The following LARGE2 variants were observed in gnomAD, a reference collection of about 807,000 sequenced individuals.
LARGE2 encodes LARGE xylosyl- and glucuronyltransferase 2, also known as xylosyl- and glucuronyltransferase LARGE2.
A neutral mutation model predicts 75.3 loss-of-function variants in LARGE2; 63 were observed. The observed-to-expected ratio is 0.84, with a 90% CI of 0.68 to 1.03. The LOEUF is 1.03. LARGE2 is among the 50% of genes least tolerant of loss of function. The pLI, the probability that LARGE2 is intolerant of heterozygous loss-of-function variation, is 0.00. For missense variants in LARGE2, 925 were observed against 980.6 expected, an observed-to-expected ratio of 0.94 and a Z score of 0.76; for synonymous variants, 428 against 420.1, an observed-to-expected ratio of 1.02 and a Z score of -0.23.
chr11:45,928,424 C>A (rs1240111667), intron 13 of LARGE2, 52 bp downstream of exon 13: 2 of 1,587,918 alleles, frequency 1.3e-6, no homozygotes, highest in East Asian at 4.5e-5. Context: ...CCTCCAGGTC[C>A]AGGGAACTCA....
chr11:45,926,853 C>A lies in LARGE2; in HGVS notation c.1307C>A (p.Ala436Asp), dbSNP rs1198894762. Reference sequence around the variant, plus strand: ...CGGCCTCACGATGTCACCCTTGTGGCCCAGCTGTCCATGGACCGGTGAGGG... The same window carrying A: ...CGGCCTCACGATGTCACCCTTGTGGACCAGCTGTCCATGGACCGGTGAGGG... ...PPRPHDVTLV[A>D]QLSMDRLQML... Residue 436 changes from alanine (A) to aspartate (D), a missense_variant, in exon 10 of 14, where the codon GCC (alanine) becomes GAC (aspartate). Around this residue, in one of 3 missense-constraint regions of LARGE2, gnomAD observed 469 missense variants for 503.8 expected, o/e 0.93. Transcript: ENST00000401752. 6.2e-7 allele frequency: 1 copy of A among 1,611,606 alleles called. No individual in the cohort carries two copies. The highest frequency in any genetic ancestry group is 8.5e-7 in the Non-Finnish European group (1 of 1,179,464).
At chr11:45,924,406 T>C (rs184765819) in intron 4 of LARGE2, 100 bp from the exon 5 acceptor site, 14 of 1,562,636 alleles carry the variant, frequency 9.0e-6, no homozygotes, top group African/African-American at 1.4e-5. Flanking sequence ...CCCCTCTCTT[T>C]TGGGGGTTTA....
intron 6 of LARGE2, among the ~76,000 whole-genome samples, chr11:45,925,204 G>A (rs1191346086): frequency 2.6e-5 from 4 of 152,298 alleles, no homozygotes; most frequent in South Asian, 2.1e-4. Flanking sequence ...CTTCACCCCC[G>A]AGGATTGACT....
intron 6 of LARGE2, 65 bp downstream of exon 6, chr11:45,924,954 G>A: frequency 1.0e-6 from 1 of 1,004,590 alleles, no homozygotes; most frequent in Non-Finnish European, 1.4e-6. Flanking sequence ...CTGGGGCTGG[G>A]TGGGGCAAAG....
Position 45,928,667 on chromosome 11 carries a change from T to C in LARGE2, c.1988T>C (p.Ile663Thr). ...CTGGTGCTGCCCGAGGCCTTCACCA[T>C]CCATCTGCCCCACGCTCCAAGCCTG... ...ELLVLPEAFT[I>T]HLPHAPSLDI... The change falls in exon 14 of 14, where the codon ATC (isoleucine) becomes ACC (threonine). Residue 663 changes from isoleucine (I) to threonine (T), a missense_variant. By Grantham distance (89) the Ile-to-Thr change is moderately conservative. This residue lies in a region of LARGE2 where 469 missense variants were observed against 503.8 expected (regional missense o/e 0.93). Coordinates refer to ENST00000401752, the MANE Select transcript of LARGE2 (RefSeq NM_001300721.2). The C allele has an allele frequency of 1.2e-6, 2 of 1,614,068 alleles. No individual in the cohort carries two copies. The highest frequency in any genetic ancestry group is 1.7e-6 in the Non-Finnish European group (2 of 1,180,000).
chr11:45,927,429 G>A lies in LARGE2; in HGVS notation c.1440G>A (p.Val480=), dbSNP rs2134751229. Residue 480 remains valine, a synonymous_variant, in exon 11 of 14, where the codon GTG becomes GTA. Transcript: ENST00000401752. ...QFLHFVEASP[V]LAARQDVAYH... ...TGCATTTCGTCGAGGCCTCACCAGT[G>A]CTTGCTGCCCGGCAGGACGTGGCCT... The A allele has an allele frequency of 6.2e-7, 1 of 1,614,200 alleles. No homozygotes were observed. Among genetic ancestry groups the A allele is most frequent in the East Asian group, 2.2e-5 (1 of 44,882 alleles).
In LARGE2 at chr11:45,926,032, T is replaced by C. The variant is rs373970227; in HGVS notation, c.770-7T>C. 170 of 1,550,872 alleles carry C rather than the reference T, an allele frequency of 1.1e-4. No individual in the cohort carries two copies. Among genetic ancestry groups the C allele is most frequent in the Non-Finnish European group, 1.4e-4 (160 of 1,145,962 alleles). On this transcript the variant is annotated splice_polypyrimidine_tract_variant and splice_region_variant and intron_variant, in intron 6 of 13. Transcript: ENST00000401752. ...AGGTGGGCATGACAGCATCTCTTCA[T>C]TGGCAGGTGTGATCCTGCTGCGGCT... is the stretch of plus-strand genomic sequence containing the variant.
At chr11:45,928,142 C>T in intron 12 of LARGE2, 35 bp from the exon 13 acceptor site, 2 of 1,613,076 alleles carry the variant, frequency 1.2e-6, no homozygotes, top group Non-Finnish European at 1.7e-6. Flanking sequence ...GAGCTCCTAG[C>T]CTCAGCCTGG....
chr11:45,923,365 C>G lies in LARGE2; in HGVS notation c.286-108C>G, dbSNP rs896684044. On this transcript the variant is annotated intron_variant, in intron 2 of 13. Transcript: ENST00000401752. ...AATGAAGGGTTGGCTCCTGCTGCCC[C>G]CTCCGCACACTGTTCCGGGCTCTGC... is the stretch of plus-strand genomic sequence containing the variant. 1.4e-5 allele frequency: 17 copies of G among 1,207,080 alleles called. No individual in the cohort carries two copies. In the East Asian group the frequency reaches 1.9e-4, roughly 13 times the overall value. The allele number at this position is 1,207,080 out of a possible 1,614,324, so 74.8% of individuals were successfully genotyped here. A position where few individuals can be genotyped will look rare whatever the true frequency, so the allele number is the denominator to read the frequency against.
At chr11:45,922,763 C>A (rs2086965472) in intron 1 of LARGE2, 35 bp downstream of exon 1, 1 of 828,368 alleles carries the variant, frequency 1.2e-6, no homozygotes, top group Admixed American at 4.4e-5. Context: ...CCGCACAACC[C>A]GGCCGTCGGG....
At position 45,926,119 on chromosome 11, in the gene LARGE2, C is replaced by G. The variant is rs763758022; in HGVS notation, c.850C>G (p.Leu284Val). Residue 284 changes from leucine to valine, a missense_variant, in exon 7 of 14, where the codon CTT becomes GTT. Around this residue, in one of 3 missense-constraint regions of LARGE2, gnomAD observed 453 missense variants for 460.2 expected, o/e 0.98. Transcript: ENST00000401752. ...MWRLTARREL[L>V]SLPATSLADQ... ...GAGGCTGACAGCCAGGCGGGAGCTC[C>G]TTAGCCTGCCTGCCACCTCACTGGC... is the stretch of plus-strand genomic sequence containing the variant. 1.3e-6 allele frequency: 2 copies of G among 1,573,066 alleles called. No homozygotes were observed. The highest frequency in any genetic ancestry group is 2.3e-5 in the South Asian group (2 of 86,602).
chr11:45,927,051 G>T (rs1257076309), intron 10 of LARGE2, among the ~76,000 whole-genome samples, 180 bp downstream of exon 10: 2 of 152,348 alleles, frequency 1.3e-5, no homozygotes, highest in East Asian at 3.9e-4. Context: ...TCATTCAGAT[G>T]CCCGGAGCTG....
In LARGE2 at chr11:45,926,193, G is replaced by A. The variant is rs374852511; in HGVS notation, c.883-29G>A. ...CCGGGTGGGGTGTGGCAGGCTGGGG[G>A]CTGGGATGTGATGGGTGTCTCTGCT... On this transcript the variant is annotated intron_variant, in intron 7 of 13. Coordinates refer to ENST00000401752, the MANE Select transcript of LARGE2 (RefSeq NM_001300721.2). 4.3e-6 allele frequency: 7 copies of A among 1,612,144 alleles called. No homozygotes were observed. The African/African-American group carries it at 9.3e-5, about 22-fold the overall frequency.
At position 45,928,198 on chromosome 11, in the gene LARGE2, C is replaced by T. The variant is rs1269259066; in HGVS notation, c.1776C>T (p.Gly592=). 1 of 1,613,734 alleles carries T rather than the reference C, an allele frequency of 6.2e-7. No homozygotes were observed. The highest frequency in any genetic ancestry group is 8.5e-7 in the Non-Finnish European group (1 of 1,180,028). The part of the protein sequence containing the change: ...YTFRYHEWPR[G]HAPTDYARWR... ...ACAGGTACCACGAGTGGCCCCGAGG[C>T]CACGCACCCACAGACTATGCCCGCT... The change falls in exon 13 of 14, where the codon GGC becomes GGT. Residue 592 remains glycine (G), a synonymous_variant. Transcript: ENST00000401752.
intron 2 of LARGE2, 66 bp from the exon 3 acceptor site, chr11:45,923,407 T>C (rs1015666832): frequency 2.0e-6 from 3 of 1,509,038 alleles, no homozygotes; most frequent in Non-Finnish European, 2.7e-6. Flanking sequence ...GTGGGGCAGC[T>C]CAACATGGGT....
In LARGE2 at chr11:45,926,361, G is replaced by A. The variant is rs757578563; in HGVS notation, c.1008+14G>A. The A allele has an allele frequency of 1.2e-6, 2 of 1,614,008 alleles. No homozygotes were observed. Among genetic ancestry groups the A allele is most frequent in the Admixed American group, 1.7e-5 (1 of 60,014 alleles). ...TCTGACCTCAAGGTGAGTGGGACAA[G>A]AGGCTGTGTGGTGGTGGGGGGCCAT... On this transcript the variant is annotated intron_variant, in intron 8 of 13. Coordinates refer to ENST00000401752, the MANE Select transcript of LARGE2 (RefSeq NM_001300721.2).
Position 45,928,891 on chromosome 11 carries a change from G to A in LARGE2, c.*46G>A, listed in dbSNP as rs985238255. On this transcript the variant is annotated 3_prime_UTR_variant, in exon 14 of 14. Transcript: ENST00000401752. ...TCATCTTAGCATTGGGCAGACACCA[G>A]GGCAACCTGCCCTCCGCCATCCCTG... 5.6e-6 allele frequency: 9 copies of A among 1,606,860 alleles called. No homozygotes were observed. The highest frequency in any genetic ancestry group is 5.5e-5 in the South Asian group (5 of 90,366).
chr11:45,927,417 G>A lies in LARGE2; in HGVS notation c.1428G>A (p.Glu476=), dbSNP rs1419693420. The change falls in exon 11 of 14, where the codon GAG becomes GAA. Residue 476 remains glutamate, a synonymous_variant. Transcript: ENST00000401752. ...AEAQQFLHFV[E]ASPVLAARQD... is the part of the protein sequence containing the mutation. ...CTCAGCAGTTCCTGCATTTCGTCGA[G>A]GCCTCACCAGTGCTTGCTGCCCGGC... 1 of 1,614,190 alleles carries A rather than the reference G, an allele frequency of 6.2e-7. No homozygotes were observed. The highest frequency in any genetic ancestry group is 1.7e-5 in the Admixed American group (1 of 60,026).
At position 45,926,483 on chromosome 11, in the gene LARGE2, C is replaced by T. The variant is rs371983513; in HGVS notation, c.1050C>T (p.Asn350=). Residue 350 remains asparagine, a synonymous_variant, in exon 9 of 14, where the codon AAC becomes AAT. Transcript: ENST00000401752. ...WNSPKKLRVK[N]KHVEFFRNFY... ...CACCAAAGAAGCTTCGGGTGAAGAACAAGCATGTGGAATTCTTCCGCAATT... is the reference window on the plus strand; with the variant it reads ...CACCAAAGAAGCTTCGGGTGAAGAATAAGCATGTGGAATTCTTCCGCAATT... 5.3e-5 allele frequency: 86 copies of T among 1,614,018 alleles called. No homozygotes were observed. The highest frequency in any genetic ancestry group is 4.9e-4 in the Middle Eastern group (3 of 6,084).
Sources: gnomAD v4.1 joint callset for allele counts (sites outside exome capture counted in the v4.1 genomes callset) on GRCh38, gnomAD v4.1.1 for gene constraint, gnomAD v4.1.1 regional missense constraint, MANE v1.5 for transcripts, NCBI Gene and HGNC (gene_info 2026-07-23, HGNC 2026-07-21) for gene names.